Variants in TRPM3 observed in about 807,000 individuals in gnomAD.
TRPM3 encodes transient receptor potential cation channel subfamily M member 3, also known as long transient receptor potential channel 3.
A neutral mutation model predicts 181.2 loss-of-function variants in TRPM3; 77 were observed. The ratio of observed to expected loss-of-function variants is 0.42; its 90% CI spans 0.35 to 0.51. The LOEUF is 0.51. TRPM3 is among the 20% of genes least tolerant of loss of function. TRPM3 has a pLI of 0.01. For synonymous variants in TRPM3, 745 were observed against 796.4 expected, an observed-to-expected ratio of 0.94 and a Z score of 1.09; for missense variants, 1,759 against 2,196.7, an observed-to-expected ratio of 0.80 and a Z score of 3.98.
chr9:71,102,767 T>C (rs1183323619), intron 1 of TRPM3, among the ~76,000 whole-genome samples: 1 of 152,212 alleles, frequency 6.6e-6, no homozygotes, highest in Admixed American at 6.5e-5. Flanking sequence ...TAGAAAGCAA[T>C]ATGATTAATT....
chr9:70,835,301 C>G (rs541589209), intron 5 of TRPM3, among the ~76,000 whole-genome samples: 1 of 114,470 alleles, frequency 8.7e-6, no homozygotes, highest in Admixed American at 8.9e-5. Flanking sequence ...AAAGCCATTA[C>G]TTTTGAGGTA....
At chr9:71,012,903 A>C (rs1012683960) in intron 1 of TRPM3, among the ~76,000 whole-genome samples, 1 of 152,108 alleles carries the variant, frequency 6.6e-6, no homozygotes, top group African/African-American at 2.4e-5. Flanking sequence ...ATTGGCTGAT[A>C]CATCCAACAC....
intron 1 of TRPM3, among the ~76,000 whole-genome samples, chr9:71,177,398 C>A (rs1032849168): frequency 3.9e-5 from 6 of 152,120 alleles, no homozygotes; most frequent in Non-Finnish European, 8.8e-5. Context: ...TCCCACTAAA[C>A]CCATCCCTGG....
chr9:70,815,058 C>CTA (rs2131483733), intron 6 of TRPM3, among the ~76,000 whole-genome samples: 1 of 152,198 alleles, frequency 6.6e-6, no homozygotes, highest in South Asian at 2.1e-4. Context: ...GAAACTGTAA[C>CTA]TAATCAATGT....
chr9:70,859,817 A>G (rs116253564), intron 3 of TRPM3, among the ~76,000 whole-genome samples: 325 of 152,278 alleles, frequency 2.1e-3, no homozygotes, highest in African/African-American at 7.5e-3. Flanking sequence ...GAGGTGTAAC[A>G]GTGTCTCACT....
chr9:71,017,091 T>TAAA (rs1174427381), intron 1 of TRPM3, among the ~76,000 whole-genome samples: 1 of 152,144 alleles, frequency 6.6e-6, no homozygotes, highest in African/African-American at 2.4e-5. Context: ...TTTTCACATT[T>TAAA]ACTGCACATA....
At chr9:71,277,577 A>G (rs2084320993) in intron 1 of TRPM3, among the ~76,000 whole-genome samples, 1 of 152,208 alleles carries the variant, frequency 6.6e-6, no homozygotes, top group African/African-American at 2.4e-5. Context: ...ACAACAAAGA[A>G]TATTACAAGG....
chr9:71,435,715 G>A (rs2094022430), intron 1 of TRPM3, among the ~76,000 whole-genome samples: 1 of 152,160 alleles, frequency 6.6e-6, no homozygotes. Flanking sequence ...AACCTCCCAA[G>A]GAGGTTCACA....
intron 1 of TRPM3, among the ~76,000 whole-genome samples, chr9:70,928,841 G>A (rs1201685774): frequency 6.6e-6 from 1 of 152,172 alleles, no homozygotes; most frequent in South Asian, 2.1e-4. Context: ...TGTCTAGAAG[G>A]TTGTGCTGAC....
At chr9:70,817,601 G>T (rs1183020884) in intron 6 of TRPM3, among the ~76,000 whole-genome samples, 1 of 152,158 alleles carries the variant, frequency 6.6e-6, no homozygotes, top group Non-Finnish European at 1.5e-5. Flanking sequence ...GGTTGGCAGT[G>T]TTGGGTAAGA....
At chr9:71,373,963 G>T (rs1211711900) in intron 1 of TRPM3, among the ~76,000 whole-genome samples, 1 of 152,164 alleles carries the variant, frequency 6.6e-6, no homozygotes, top group Admixed American at 6.5e-5. Context: ...ATGTAAGGTT[G>T]GTTCAACATA....
chr9:70,776,054 T>G (rs2081295670), intron 7 of TRPM3: 1 of 170,920 alleles, frequency 5.9e-6, no homozygotes, highest in Non-Finnish European at 1.2e-5. Context: ...TCTCCTCAAC[T>G]CGTTCCTCCT....
intron 1 of TRPM3, among the ~76,000 whole-genome samples, chr9:71,220,360 TTA>T (rs1457762852): frequency 8.8e-4 from 23 of 26,130 alleles, no homozygotes; most frequent in Admixed American, 1.8e-3. Flanking sequence ...GTCTGATTTA[TTA>T]TTATTATTAT....
intron 8 of TRPM3, among the ~76,000 whole-genome samples, chr9:70,747,975 G>A (rs770263403): frequency 2.0e-4 from 30 of 152,164 alleles, no homozygotes; most frequent in Admixed American, 7.9e-4. Flanking sequence ...TCACAATAGT[G>A]AATGAAAGGG....
chr9:71,137,841 G>A (rs1019389689), intron 1 of TRPM3, among the ~76,000 whole-genome samples: 2 of 152,114 alleles, frequency 1.3e-5, no homozygotes, highest in African/African-American at 4.8e-5. Flanking sequence ...AATAGGTTGG[G>A]CGAGGTGGCT....
intron 1 of TRPM3, among the ~76,000 whole-genome samples, chr9:71,287,213 T>G (rs893313698): frequency 6.7e-6 from 1 of 150,272 alleles, no homozygotes; most frequent in African/African-American, 2.4e-5. Context: ...CTCTGGAGAT[T>G]TACCATCTAA....
chr9:71,181,865 C>T (rs538509255), intron 1 of TRPM3, among the ~76,000 whole-genome samples: 214 of 152,156 alleles, frequency 1.4e-3, no homozygotes, highest in African/African-American at 4.9e-3. Context: ...CTCAGTGTTT[C>T]CAGCACTACC....
At chr9:71,279,471 T>C (rs1204338233) in intron 1 of TRPM3, among the ~76,000 whole-genome samples, 1 of 152,196 alleles carries the variant, frequency 6.6e-6, no homozygotes, top group African/African-American at 2.4e-5. Context: ...AGGAAAACTT[T>C]ATAGGAGCAA....
chr9:71,375,032 G>T (rs2092630054), intron 1 of TRPM3, among the ~76,000 whole-genome samples: 1 of 152,132 alleles, frequency 6.6e-6, no homozygotes, highest in Non-Finnish European at 1.5e-5. Flanking sequence ...GTAATATATA[G>T]ATTCCATGCA....
Sources: allele counts gnomAD v4.1 joint callset (sites outside exome capture counted in the v4.1 genomes callset), GRCh38; gene constraint gnomAD v4.1.1; transcripts MANE v1.5; gene names NCBI Gene and HGNC (gene_info 2026-07-23, HGNC 2026-07-21).